CCSER1: variants seen among roughly 807,000 people sequenced by gnomAD.
The protein encoded by CCSER1 is serine-rich coiled-coil domain-containing protein 1.
Under a neutral mutation model 82.0 loss-of-function variants are expected in CCSER1, and 41 were observed. The observed-to-expected ratio is 0.50, with a 90% confidence interval of 0.39 to 0.65. CCSER1 has a LOEUF of 0.65. Ranked by LOEUF, CCSER1 falls within the 30% of genes least tolerant of loss-of-function variation. CCSER1 has a pLI of 0.00. For missense variants in CCSER1, 1,119 were observed against 1,064.2 expected, an observed-to-expected ratio of 1.05 and a Z score of -0.72; for synonymous variants, 414 against 383.9, an observed-to-expected ratio of 1.08 and a Z score of -0.92.
intron 10 of CCSER1, among the ~76,000 whole-genome samples, chr4:91,310,015 T>TA (rs1163481408): frequency 6.6e-6 from 1 of 151,970 alleles, no homozygotes. Context: ...ATCTCATAGT[T>TA]ACTTTGGCAT....
In CCSER1 at chr4:91,313,609, C is replaced by T. The variant is rs549066310; in HGVS notation, c.2217+227615C>T. On this transcript the variant is annotated intron_variant, in intron 10 of 10. Coordinates refer to ENST00000509176, the MANE Select transcript of CCSER1 (RefSeq NM_001145065.2). ...TTTTGACTTGCTTAAACCATTAAAA[C>T]GTGGCAGTTGTGGCATTGCACATGG... 1.4e-4 allele frequency among the ~76,000 whole-genome samples: 22 copies of T among 152,028 alleles called. No individual in the cohort carries two copies. In the South Asian group the frequency reaches 4.2e-3, roughly 29 times the overall value.
At chr4:90,714,914 G>A (rs1741346770) in intron 6 of CCSER1, among the ~76,000 whole-genome samples, 1 of 151,734 alleles carries the variant, frequency 6.6e-6, no homozygotes, top group East Asian at 1.9e-4. Flanking sequence ...AGATTTTTTT[G>A]TAAATAAATG....
intron 10 of CCSER1, among the ~76,000 whole-genome samples, chr4:91,387,943 AT>A (rs1176279107): frequency 2.6e-5 from 4 of 152,094 alleles, no homozygotes; most frequent in African/African-American, 4.8e-5. Context: ...TAGAAAAAAA[AT>A]GTTACTTGCA....
intron 8 of CCSER1, among the ~76,000 whole-genome samples, chr4:90,845,085 G>A (rs899617666): frequency 6.6e-6 from 1 of 152,086 alleles, no homozygotes; most frequent in Non-Finnish European, 1.5e-5. Context: ...TTGTTAGGCC[G>A]GGTGTGGTGG....
At chr4:90,481,411 A>G (rs1385798228) in intron 5 of CCSER1, among the ~76,000 whole-genome samples, 1 of 152,182 alleles carries the variant, frequency 6.6e-6, no homozygotes, top group African/African-American at 2.4e-5. Context: ...CACTATGCTG[A>G]ATAGGAGTGG....
At chr4:91,565,414 T>A (rs1477536360) in intron 10 of CCSER1, among the ~76,000 whole-genome samples, 1 of 151,992 alleles carries the variant, frequency 6.6e-6, no homozygotes. Context: ...AAATTAAAAT[T>A]ATTTTTTCTA....
intron 10 of CCSER1, among the ~76,000 whole-genome samples, chr4:91,462,028 C>T (rs1033799754): frequency 6.6e-6 from 1 of 152,072 alleles, no homozygotes; most frequent in African/African-American, 2.4e-5. Flanking sequence ...TTGCTGCTCA[C>T]TCAAACAAAA....
intron 5 of CCSER1, among the ~76,000 whole-genome samples, chr4:90,516,556 TA>T (rs1304253429): frequency 2.0e-5 from 3 of 152,086 alleles, no homozygotes; most frequent in Admixed American, 6.6e-5. Flanking sequence ...CAAATCCAAA[TA>T]AAGGGAAACA....
chr4:90,970,323 C>T (rs898678208), intron 9 of CCSER1, among the ~76,000 whole-genome samples: 13 of 151,430 alleles, frequency 8.6e-5, no homozygotes, highest in South Asian at 2.1e-4. Flanking sequence ...TTAGACAAAA[C>T]GAACATCAAG....
chr4:91,573,889 T>C (rs1371378466), intron 10 of CCSER1, among the ~76,000 whole-genome samples: 1 of 152,048 alleles, frequency 6.6e-6, no homozygotes, highest in Non-Finnish European at 1.5e-5. Flanking sequence ...AAAAAGAAAT[T>C]AAGAAAGCAA....
intron 4 of CCSER1, among the ~76,000 whole-genome samples, chr4:90,400,744 C>T (rs182495206): frequency 1.4e-4 from 21 of 152,170 alleles, no homozygotes; most frequent in African/African-American, 4.8e-4. Context: ...ATTATGTCTC[C>T]AAATTCCAGA....
At chr4:90,326,955 A>G (rs907329294) in intron 3 of CCSER1, among the ~76,000 whole-genome samples, 7 of 152,156 alleles carry the variant, frequency 4.6e-5, no homozygotes, top group East Asian at 3.9e-4. Context: ...CATAGCCTAT[A>G]TATTTTTAGA....
At chr4:90,936,697 A>G (rs1367225624) in intron 9 of CCSER1, among the ~76,000 whole-genome samples, 1 of 152,186 alleles carries the variant, frequency 6.6e-6, no homozygotes, top group Non-Finnish European at 1.5e-5. Flanking sequence ...ACAGAAAAAC[A>G]GAATTCCAGA....
chr4:90,893,064 T>C (rs1162090539), intron 8 of CCSER1, among the ~76,000 whole-genome samples: 2 of 152,084 alleles, frequency 1.3e-5, no homozygotes, highest in African/African-American at 4.8e-5. Context: ...TGTGAGCTCA[T>C]ATTATCTGTG....
chr4:91,573,145 A>T lies in CCSER1; in HGVS notation c.2218-25427A>T, dbSNP rs142206940. On this transcript the variant is annotated intron_variant, in intron 10 of 10. Coordinates refer to ENST00000509176, the MANE Select transcript of CCSER1 (RefSeq NM_001145065.2). Reference sequence around the variant, plus strand: ...GAGCAGTTGTGCTGTGCTGGGGGGAACCCCTCCAACCCTGGTTGGCTTGTA... The same window carrying T: ...GAGCAGTTGTGCTGTGCTGGGGGGATCCCCTCCAACCCTGGTTGGCTTGTA... Among the ~76,000 whole-genome samples the T allele has an allele frequency of 1.9e-3, 295 of 152,140 alleles. 4 individuals carry two copies. The highest frequency in any genetic ancestry group is 6.7e-3 in the African/African-American group (279 of 41,534).
intron 10 of CCSER1, among the ~76,000 whole-genome samples, chr4:91,151,120 G>A (rs1404832059): frequency 6.6e-6 from 1 of 152,086 alleles, no homozygotes; most frequent in Non-Finnish European, 1.5e-5. Flanking sequence ...TGGTTGGTAG[G>A]CTATTAATTA....
intron 10 of CCSER1, among the ~76,000 whole-genome samples, chr4:91,188,797 T>G (rs549289039): frequency 6.6e-6 from 1 of 152,254 alleles, no homozygotes; most frequent in African/African-American, 2.4e-5. Flanking sequence ...AATGTAGACA[T>G]AGCAAAATGT....
chr4:90,807,794 A>G (rs1035811467), intron 7 of CCSER1, among the ~76,000 whole-genome samples: 4 of 152,184 alleles, frequency 2.6e-5, no homozygotes, highest in Non-Finnish European at 2.9e-5. Flanking sequence ...TGTTAGAATC[A>G]AAATTGTGAA....
intron 10 of CCSER1, among the ~76,000 whole-genome samples, chr4:91,345,107 G>A (rs1164890000): frequency 6.6e-6 from 1 of 152,016 alleles, no homozygotes; most frequent in Non-Finnish European, 1.5e-5. Flanking sequence ...ATCTTTATTA[G>A]TGGCCTGGCA....
Sources: gnomAD v4.1 joint callset for allele counts (sites outside exome capture counted in the v4.1 genomes callset) on GRCh38, gnomAD v4.1.1 for gene constraint, MANE v1.5 for transcripts, NCBI Gene and HGNC (gene_info 2026-07-23, HGNC 2026-07-21) for gene names.